Variants in CRYL1 observed in about 807,000 individuals in gnomAD.
CRYL1 encodes the protein lambda-crystallin homolog.
A neutral mutation model predicts 36.6 loss-of-function variants in CRYL1; 29 were observed. The ratio of observed to expected loss-of-function variants is 0.79; its 90% CI spans 0.59 to 1.08. The LOEUF is 1.08. Ranked by LOEUF, CRYL1 falls within the 50% of genes least tolerant of loss-of-function variation. The pLI is 0.00. For missense variants in CRYL1, 411 were observed against 407.9 expected, an observed-to-expected ratio of 1.01 and a Z score of -0.06; for synonymous variants, 152 against 151.5, an observed-to-expected ratio of 1.00 and a Z score of -0.02.
intron 3 of CRYL1, among the ~76,000 whole-genome samples, chr13:20,465,104 C>A (rs1371413051): frequency 2.0e-5 from 3 of 152,226 alleles, no homozygotes; most frequent in African/African-American, 7.2e-5. Context: ...AGAATAATTT[C>A]TTTAGCAGTC....
At chr13:20,442,005 G>A (rs1358868241) in intron 3 of CRYL1, among the ~76,000 whole-genome samples, 2 of 152,184 alleles carry the variant, frequency 1.3e-5, no homozygotes, top group African/African-American at 4.8e-5. Flanking sequence ...GGGAAAAAGA[G>A]CTACAGTAGC....
At chr13:20,516,536 G>A (rs1239134241) in intron 1 of CRYL1, among the ~76,000 whole-genome samples, 1 of 151,798 alleles carries the variant, frequency 6.6e-6, no homozygotes, top group East Asian at 1.9e-4. Context: ...CTGGAGTGCT[G>A]TGGGGGTATC....
intron 2 of CRYL1, among the ~76,000 whole-genome samples, chr13:20,504,302 C>CTTTTTTTTTTTTTTTTTTTTTTT (rs757657892): frequency 3.9e-5 from 5 of 128,488 alleles, no homozygotes; most frequent in East Asian, 2.2e-4. Context: ...CTTTTCTTTT[C>CTTTTTTTTTTTTTTTTTTTTTTT]TTTTTTTTTT....
At chr13:20,504,321 T>TTTTTA (rs2033755516) in intron 2 of CRYL1, among the ~76,000 whole-genome samples, 1 of 147,968 alleles carries the variant, frequency 6.8e-6, no homozygotes, top group African/African-American at 2.5e-5. Context: ...TTTTTTTTTT[T>TTTTTA]GAGACAGGGT....
intron 2 of CRYL1, among the ~76,000 whole-genome samples, chr13:20,508,887 A>AAAAAAAACAAACAAAAAAG (rs2033860393): frequency 7.9e-6 from 1 of 126,988 alleles, no homozygotes; most frequent in African/African-American, 2.9e-5. Context: ...AAAAAAAAAA[A>AAAAAAAACAAACAAAAAAG]ACTGACAACA....
At chr13:20,405,121 ATCAG>A (rs1259733476) in intron 6 of CRYL1, among the ~76,000 whole-genome samples, 1 of 152,054 alleles carries the variant, frequency 6.6e-6, no homozygotes, top group Non-Finnish European at 1.5e-5. Flanking sequence ...AATACCAAAA[ATCAG>A]TCAGGTGGCG....
At chr13:20,423,444 T>A (rs1040345536) in intron 5 of CRYL1, among the ~76,000 whole-genome samples, 1 of 152,202 alleles carries the variant, frequency 6.6e-6, no homozygotes, top group East Asian at 1.9e-4. Context: ...TTCTTCTATA[T>A]CTAATTTGAA....
rs182857561 is a variant in CRYL1, at chr13:20,429,960, G to A, written c.633+2142C>T. On this transcript the variant is annotated intron_variant, in intron 5 of 7. Transcript: ENST00000298248. ...GCCAACGGAGGTGCTGCCACTGAGC[G>A]GTGATGGTCAAGGTCAGCACCACGA... is the stretch of plus-strand genomic sequence containing the variant. Among the ~76,000 whole-genome samples, 201 of 152,248 alleles carry A rather than the reference G, an allele frequency of 1.3e-3. 1 individual carries two copies. Among genetic ancestry groups the A allele is most frequent in the Non-Finnish European group, 1.9e-3 (127 of 68,014 alleles).
intron 5 of CRYL1, chr13:20,426,570 GAGA>G (rs1263029003): frequency 3.2e-5 from 14 of 433,902 alleles, no homozygotes; most frequent in African/African-American, 4.3e-5. Context: ...TGCGGTCAGA[GAGA>G]AGGAGTCAGA....
intron 5 of CRYL1, among the ~76,000 whole-genome samples, chr13:20,422,507 C>T (rs756420707): frequency 3.9e-5 from 6 of 152,188 alleles, no homozygotes; most frequent in African/African-American, 9.7e-5. Context: ...AAGGTACAAA[C>T]GTGCTCCCTT....
chr13:20,510,230 T>C lies in CRYL1; in HGVS notation c.149+2213A>G, dbSNP rs139281899. Among the ~76,000 whole-genome samples the C allele has an allele frequency of 1.8e-3, 270 of 152,366 alleles. 1 individual carries two copies. Among genetic ancestry groups the C allele is most frequent in the African/African-American group, 6.1e-3 (255 of 41,586 alleles). On this transcript the variant is annotated intron_variant, in intron 2 of 7. Transcript: ENST00000298248. ...CACATGGAATTTAGAGCAACTTTAC[T>C]CATAATTGCCAAAACCTGGAAGCAC... is the stretch of plus-strand genomic sequence containing the variant.
chr13:20,450,237 C>T (rs548505453), intron 3 of CRYL1, among the ~76,000 whole-genome samples: 6 of 152,210 alleles, frequency 3.9e-5, no homozygotes, highest in Non-Finnish European at 7.4e-5. Flanking sequence ...GATACAAAAA[C>T]AGATGCACAG....
At chr13:20,468,805 C>T (rs906915103) in intron 3 of CRYL1, among the ~76,000 whole-genome samples, 2 of 152,132 alleles carry the variant, frequency 1.3e-5, no homozygotes, top group African/African-American at 4.8e-5. Context: ...TGGGGTTTAA[C>T]CATGTTGTCC....
At chr13:20,438,931 T>C (rs912496828) in intron 4 of CRYL1, among the ~76,000 whole-genome samples, 6 of 152,188 alleles carry the variant, frequency 3.9e-5, no homozygotes, top group African/African-American at 1.2e-4. Context: ...GCTGAAAGAT[T>C]CCTTGAGTGC....
chr13:20,509,891 T>C (rs1017439337), intron 2 of CRYL1, among the ~76,000 whole-genome samples: 1 of 152,072 alleles, frequency 6.6e-6, no homozygotes, highest in African/African-American at 2.4e-5. Flanking sequence ...GATCGTGCCA[T>C]TGCACTCCAG....
chr13:20,490,597 C>G (rs181944584), intron 2 of CRYL1, among the ~76,000 whole-genome samples: 85 of 151,528 alleles, frequency 5.6e-4, no homozygotes, highest in African/African-American at 1.8e-3. Flanking sequence ...ATTACATACA[C>G]TTTACCACAA....
Position 20,414,250 on chromosome 13 carries a change from ATT to A in CRYL1, c.634-865_634-864del, listed in dbSNP as rs1201011751. Among the ~76,000 whole-genome samples the A allele has an allele frequency of 6.0e-4, 90 of 150,360 alleles. No individual in the cohort carries two copies. In the East Asian group the frequency reaches 8.9e-3, roughly 15 times the overall value. On this transcript the variant is annotated intron_variant, in intron 5 of 7. Transcript: ENST00000298248. ...ACACATATGTATACACTAAAAAGAG[ATT>A]TTTTGTGTGTGTGTGTGTGTGTGTG...
chr13:20,429,296 T>G (rs1403863130), intron 5 of CRYL1, among the ~76,000 whole-genome samples: 1 of 152,154 alleles, frequency 6.6e-6, no homozygotes, highest in African/African-American at 2.4e-5. Flanking sequence ...AAACACCAAA[T>G]CTAAGCTCAA....
At chr13:20,413,168 A>G (rs2031567279) in intron 6 of CRYL1, 114 bp downstream of exon 6, 3 of 648,278 alleles carry the variant, frequency 4.6e-6, no homozygotes, top group African/African-American at 1.8e-5. Flanking sequence ...GCTGGCCATC[A>G]TCTCCTATAT....
Sources: allele counts gnomAD v4.1 joint callset (sites outside exome capture counted in the v4.1 genomes callset), GRCh38; gene constraint gnomAD v4.1.1; transcripts MANE v1.5; gene names NCBI Gene and HGNC (gene_info 2026-07-23, HGNC 2026-07-21).